Variants in CFAP97D2 observed in about 807,000 individuals in gnomAD.
CFAP97D2 encodes uncharacterized protein CFAP97D2.
At chr13:114,193,144 A>G (rs537523538) in intron 1 of CFAP97D2, among the ~76,000 whole-genome samples, 44 of 152,236 alleles carry the variant, frequency 2.9e-4, no homozygotes, top group Non-Finnish European at 6.0e-4. Context: ...CATTAGAGGC[A>G]TAAAAATATT....
rs918517440 is a variant in CFAP97D2, at chr13:114,182,306, C to T, written c.90+2886C>T. Among the ~76,000 whole-genome samples the T allele has an allele frequency of 2.7e-4, 41 of 152,270 alleles. 1 individual carries two copies. Among genetic ancestry groups the T allele is most frequent in the Admixed American group, 2.2e-3 (33 of 15,292 alleles). On this transcript the variant is annotated intron_variant, in intron 1 of 4. Transcript: ENST00000646158. ...AAAGAATAACAAGGCAGCATTACTG[C>T]AAACATGTCTCGCCTCCCGCCATAG...
intron 1 of CFAP97D2, among the ~76,000 whole-genome samples, chr13:114,180,378 A>T (rs2080827867): frequency 6.6e-6 from 1 of 152,028 alleles, no homozygotes; most frequent in African/African-American, 2.4e-5. Context: ...CATAGCACCC[A>T]GCCCCCACCC....
intron 1 of CFAP97D2, among the ~76,000 whole-genome samples, chr13:114,182,760 A>G (rs144506214): frequency 0.012 from 1,770 of 152,344 alleles, 97 homozygotes; most frequent in Admixed American, 0.081. Flanking sequence ...ACGTGTTTTT[A>G]TGAGCTCCAG....
intron 3 of CFAP97D2, among the ~76,000 whole-genome samples, chr13:114,209,225 C>A (rs1239192899): frequency 6.6e-6 from 1 of 152,236 alleles, no homozygotes; most frequent in Non-Finnish European, 1.5e-5. Flanking sequence ...ATCCCGCTGT[C>A]CGCATCCAAC....
intron 1 of CFAP97D2, among the ~76,000 whole-genome samples, chr13:114,195,139 G>T (rs900756355): frequency 9.2e-5 from 14 of 152,206 alleles, no homozygotes; most frequent in African/African-American, 3.4e-4. Flanking sequence ...TGCAGGCCCA[G>T]GTCTCCTCCC....
chr13:114,181,107 T>A (rs1438648660), intron 1 of CFAP97D2, among the ~76,000 whole-genome samples: 1 of 152,238 alleles, frequency 6.6e-6, no homozygotes, highest in Non-Finnish European at 1.5e-5. Context: ...GCCGGGAACC[T>A]ATGATTCTGG....
chr13:114,182,183 G>T, intron 1 of CFAP97D2, among the ~76,000 whole-genome samples: 1 of 141,800 alleles, frequency 7.1e-6, no homozygotes, highest in Admixed American at 6.9e-5. Context: ...GTGAGCAAAA[G>T]AGTCTATGTC....
At position 114,222,359 on chromosome 13, in the gene CFAP97D2, CTGT is replaced by C. The variant is rs765222570; in HGVS notation, c.481-137_481-135del. The C allele has an allele frequency of 6.7e-4, 264 of 394,210 alleles. 2 individuals are homozygous for C. The highest frequency in any genetic ancestry group is 2.2e-4 in the Non-Finnish European group (49 of 223,924). The allele number at this position is 394,210 out of a possible 1,614,324, so 24.4% of individuals were successfully genotyped here. ...GGTATAGAATTGTATCTAAATAAAG[CTGT>C]TATTTTAAAAATTGTATGTTTAATT... On this transcript the variant is annotated intron_variant, in intron 4 of 4. Coordinates refer to ENST00000646158, the Ensembl canonical transcript of CFAP97D2. The surrounding 1 kb of genome is among the most constrained non-coding windows in gnomAD (Gnocchi z 4.4).
At chr13:114,180,103 C>G (rs189073398) in intron 1 of CFAP97D2, among the ~76,000 whole-genome samples, 32 of 152,352 alleles carry the variant, frequency 2.1e-4, no homozygotes, top group Non-Finnish European at 3.5e-4. Flanking sequence ...AGGTGGCCTC[C>G]CACAGTCTTC....
Position 114,211,815 on chromosome 13 carries a change from C to T in CFAP97D2, c.291-97C>T, listed in dbSNP as rs961883048. 4 of 397,636 alleles carry T rather than the reference C, an allele frequency of 1.0e-5. No individual in the cohort carries two copies. Among genetic ancestry groups the T allele is most frequent in the South Asian group, 2.8e-4 (2 of 7,110 alleles). The allele number at this position is 397,636 out of a possible 1,614,324, so 24.6% of individuals were successfully genotyped here. On this transcript the variant is annotated intron_variant, in intron 3 of 4. Transcript: ENST00000646158. This position sits in a 1 kb window ranked among gnomAD's most constrained non-coding sequence, Gnocchi z 4.2. ...GGGAAGCAGGAGCAACCCTCCACCC[C>T]GGGACCCCTTCCTGCTCTGGAGCCT...
chr13:114,202,414 T>C (rs572994082), intron 3 of CFAP97D2, among the ~76,000 whole-genome samples: 64 of 152,312 alleles, frequency 4.2e-4, no homozygotes, highest in African/African-American at 1.5e-3. Flanking sequence ...TTGAAAATGG[T>C]TAAAACACAG....
At chr13:114,213,340 GTGGAAGCTCCAA>G in intron 4 of CFAP97D2, among the ~76,000 whole-genome samples, 1 of 141,020 alleles carries the variant, frequency 7.1e-6, no homozygotes, top group Admixed American at 7.4e-5. Context: ...CCCCACCCCT[GTGGAAGCTCCAA>G]GACCATGAAC....
chr13:114,185,042 AAGC>A lies in CFAP97D2; in HGVS notation c.90+5626_90+5628del, dbSNP rs2080849816. Reference sequence around the variant, plus strand: ...GGTGGTGCATGGGTGGTGGTGGTGGAAGCAGCTGCAGGAGTGGCAGTAACAGCG... The same window carrying A: ...GGTGGTGCATGGGTGGTGGTGGTGGAAGCTGCAGGAGTGGCAGTAACAGCG... On this transcript the variant is annotated intron_variant, in intron 1 of 4. Coordinates refer to ENST00000646158, the Ensembl canonical transcript of CFAP97D2. This position sits in a 1 kb window ranked among gnomAD's most constrained non-coding sequence, Gnocchi z 5.2. 2.0e-5 allele frequency among the ~76,000 whole-genome samples: 3 copies of A among 152,104 alleles called. No individual in the cohort carries two copies. The highest frequency in any genetic ancestry group is 2.0e-4 in the Admixed American group (3 of 15,254).
intron 1 of CFAP97D2, among the ~76,000 whole-genome samples, chr13:114,182,237 A>C (rs187176397): frequency 6.6e-6 from 1 of 151,040 alleles, no homozygotes; most frequent in South Asian, 2.1e-4. Flanking sequence ...ATGTGCACGT[A>C]GGCCAGATTT....
At chr13:114,221,076 G>A (rs539544874) in intron 4 of CFAP97D2, among the ~76,000 whole-genome samples, 138 of 152,266 alleles carry the variant, frequency 9.1e-4, no homozygotes, top group African/African-American at 2.9e-3. Flanking sequence ...GTGAAACCCC[G>A]TCTCTACTAA....
At chr13:114,215,848 T>TTTCTCCCTCA (rs1002213295) in intron 4 of CFAP97D2, 4 of 152,220 alleles carry the variant, frequency 2.6e-5, no homozygotes, top group African/African-American at 9.7e-5. Flanking sequence ...TCCCTCACTA[T>TTTCTCCCTCA]TCTCTCTCAC....
intron 1 of CFAP97D2, among the ~76,000 whole-genome samples, chr13:114,182,167 A>AT (rs1304975971): frequency 1.4e-5 from 2 of 140,260 alleles, no homozygotes; most frequent in East Asian, 4.2e-4. Flanking sequence ...AAGGTCAGCA[A>AT]AAAACGTGAG....
At position 114,222,402 on chromosome 13, in the gene CFAP97D2, G is replaced by T. The variant is rs1441276109; in HGVS notation, c.481-96G>T. ...TATGTTTAATTCTAAGTAAAGACTT[G>T]TCAATGAGTTGAAATATTCCATTTC... On this transcript the variant is annotated intron_variant, in intron 4 of 4. Coordinates refer to ENST00000646158, the Ensembl canonical transcript of CFAP97D2. The surrounding 1 kb of genome is among the most constrained non-coding windows in gnomAD (Gnocchi z 4.4). The T allele has an allele frequency of 2.5e-6, 1 of 397,754 alleles. No homozygotes were observed. The highest frequency in any genetic ancestry group is 4.4e-6 in the Non-Finnish European group (1 of 225,840). The allele number at this position is 397,754 out of a possible 1,614,324, so 24.6% of individuals were successfully genotyped here.
chr13:114,195,106 T>G (rs533158807), intron 1 of CFAP97D2, among the ~76,000 whole-genome samples: 11 of 152,276 alleles, frequency 7.2e-5, no homozygotes, highest in African/African-American at 2.6e-4. Context: ...CCCCGCCCAG[T>G]GGCCCCACAG....
Sources: allele counts gnomAD v4.1 joint callset (sites outside exome capture counted in the v4.1 genomes callset), GRCh38; gene constraint gnomAD v4.1.1; non-coding constraint Gnocchi (gnomAD v3.1); transcripts MANE v1.5; gene names NCBI Gene and HGNC (gene_info 2026-07-23, HGNC 2026-07-21).